Variants in AGBL4 observed in about 807,000 individuals in gnomAD.
AGBL4 encodes AGBL carboxypeptidase 4.
A neutral mutation model predicts 66.4 loss-of-function variants in AGBL4; 58 were observed. That is an observed-to-expected ratio of 0.87 (90% CI 0.71 to 1.09). The LOEUF (loss-of-function observed/expected upper bound fraction) is 1.09. AGBL4 is among the 50% of genes least tolerant of loss of function. The pLI, the probability that AGBL4 is intolerant of heterozygous loss-of-function variation, is 0.00. For missense variants in AGBL4, 579 were observed against 631.0 expected, an observed-to-expected ratio of 0.92 and a Z score of 0.88; for synonymous variants, 234 against 222.9, an observed-to-expected ratio of 1.05 and a Z score of -0.44.
At chr1:48,560,325 T>C (rs533918059) in intron 11 of AGBL4, among the ~76,000 whole-genome samples, 1 of 152,290 alleles carries the variant, frequency 6.6e-6, no homozygotes, top group Non-Finnish European at 1.5e-5. Context: ...TGTGTCTGAC[T>C]CATCTTTCAA....
chr1:48,851,011 T>C (rs1647020478), intron 6 of AGBL4, among the ~76,000 whole-genome samples: 1 of 152,222 alleles, frequency 6.6e-6, no homozygotes, highest in Non-Finnish European at 1.5e-5. Context: ...TGTTTTGCTG[T>C]TTAAGCAAAA....
intron 9 of AGBL4, among the ~76,000 whole-genome samples, chr1:48,632,573 G>C (rs756509704): frequency 2.6e-5 from 4 of 151,932 alleles, no homozygotes; most frequent in Non-Finnish European, 5.9e-5. Context: ...ACTCCTTCTG[G>C]TCCAATGCCA....
At chr1:49,745,542 T>C (rs1650918355) in intron 2 of AGBL4, among the ~76,000 whole-genome samples, 1 of 151,956 alleles carries the variant, frequency 6.6e-6, no homozygotes, top group Admixed American at 6.6e-5. Flanking sequence ...TCTTCAAACA[T>C]ATCCCCAACA....
chr1:49,381,438 T>C (rs917103483), intron 3 of AGBL4, among the ~76,000 whole-genome samples: 10 of 152,284 alleles, frequency 6.6e-5, no homozygotes, highest in Middle Eastern at 3.4e-3. Flanking sequence ...GTCAGTGTGG[T>C]GATTCCTCAG....
At chr1:49,629,725 G>C (rs1645533555) in intron 3 of AGBL4, among the ~76,000 whole-genome samples, 1 of 152,096 alleles carries the variant, frequency 6.6e-6, no homozygotes, top group Non-Finnish European at 1.5e-5. Flanking sequence ...CAAATACATG[G>C]TCATCAGTCC....
At chr1:48,883,009 T>A (rs1354018872) in intron 5 of AGBL4, among the ~76,000 whole-genome samples, 1 of 152,234 alleles carries the variant, frequency 6.6e-6, no homozygotes, top group Non-Finnish European at 1.5e-5. Context: ...TTTTATCCAT[T>A]CATCTGCTGA....
chr1:49,234,982 G>A (rs1650606205), intron 4 of AGBL4, among the ~76,000 whole-genome samples: 1 of 152,196 alleles, frequency 6.6e-6, no homozygotes, highest in South Asian at 2.1e-4. Flanking sequence ...GAGCAACTAT[G>A]AGAATATCAT....
chr1:48,910,787 A>G (rs1445806638), intron 5 of AGBL4, among the ~76,000 whole-genome samples: 1 of 152,160 alleles, frequency 6.6e-6, no homozygotes, highest in East Asian at 1.9e-4. Flanking sequence ...ATTTTTACCA[A>G]ATGGATTTCT....
chr1:48,592,764 C>T (rs1644937625), intron 9 of AGBL4, among the ~76,000 whole-genome samples: 1 of 152,114 alleles, frequency 6.6e-6, no homozygotes, highest in African/African-American at 2.4e-5. Flanking sequence ...TTTCTCAGAC[C>T]TGCTCTGAGT....
chr1:48,692,049 A>G (rs1430294908), intron 6 of AGBL4, among the ~76,000 whole-genome samples: 2 of 152,128 alleles, frequency 1.3e-5, no homozygotes, highest in African/African-American at 4.8e-5. Flanking sequence ...CTTCCATGCA[A>G]TTCTACTAGG....
At chr1:49,489,856 T>C (rs1647150959) in intron 3 of AGBL4, among the ~76,000 whole-genome samples, 1 of 151,820 alleles carries the variant, frequency 6.6e-6, no homozygotes, top group African/African-American at 2.4e-5. Context: ...GTTTCTGGGT[T>C]CTCTATTCTT....
At chr1:49,604,960 G>A (rs1342273103) in intron 3 of AGBL4, among the ~76,000 whole-genome samples, 3 of 152,010 alleles carry the variant, frequency 2.0e-5, no homozygotes, top group Admixed American at 1.3e-4. Context: ...ATTATTACAG[G>A]AATGATAACA....
At chr1:48,905,651 G>A (rs980773987) in intron 5 of AGBL4, among the ~76,000 whole-genome samples, 1 of 152,060 alleles carries the variant, frequency 6.6e-6, no homozygotes, top group Admixed American at 6.6e-5. Flanking sequence ...GAAAACTAAG[G>A]CATAGAATGA....
chr1:49,541,298 G>A (rs1329424908), intron 3 of AGBL4, among the ~76,000 whole-genome samples: 1 of 152,194 alleles, frequency 6.6e-6, no homozygotes, highest in Admixed American at 6.5e-5. Flanking sequence ...GCCGAGGTCA[G>A]AGCCGCCTCC....
intron 3 of AGBL4, among the ~76,000 whole-genome samples, chr1:49,339,377 G>A (rs1462648081): frequency 3.3e-5 from 5 of 152,164 alleles, no homozygotes; most frequent in Non-Finnish European, 7.3e-5. Flanking sequence ...TATACAATGA[G>A]ATAATGTTTT....
chr1:49,189,904 A>ACCCATATTCTTTT (rs1363298879), intron 4 of AGBL4, among the ~76,000 whole-genome samples: 12 of 152,166 alleles, frequency 7.9e-5, no homozygotes, highest in Non-Finnish European at 1.5e-5. Flanking sequence ...TAACTCTAAA[A>ACCCATATTCTTTT]CCCATATTCT....
intron 3 of AGBL4, among the ~76,000 whole-genome samples, chr1:49,446,890 G>A (rs533703173): frequency 5.4e-4 from 83 of 152,330 alleles, no homozygotes; most frequent in African/African-American, 1.8e-3. Flanking sequence ...CCTCAGGCAT[G>A]CTGCTCTCAG....
chr1:48,810,800 C>T (rs550751105), intron 6 of AGBL4, among the ~76,000 whole-genome samples: 6 of 152,300 alleles, frequency 3.9e-5, no homozygotes, highest in African/African-American at 1.4e-4. Context: ...TTCTCATGTT[C>T]TCTCATCTGA....
chr1:49,302,840 G>A (rs1644779756), intron 3 of AGBL4, among the ~76,000 whole-genome samples: 1 of 151,604 alleles, frequency 6.6e-6, no homozygotes, highest in Non-Finnish European at 1.5e-5. Flanking sequence ...ACAGGCCTCA[G>A]TGTGTGTTGT....
Sources: allele counts gnomAD v4.1 joint callset (sites outside exome capture counted in the v4.1 genomes callset), GRCh38; gene constraint gnomAD v4.1.1; transcripts MANE v1.5; gene names NCBI Gene and HGNC (gene_info 2026-07-23, HGNC 2026-07-21).